GRHL2: variants seen among roughly 807,000 people sequenced by gnomAD.
GRHL2 encodes grainyhead like transcription factor 2.
In GRHL2, 21 loss-of-function variants were observed where a neutral mutation model predicts 83.8. The observed-to-expected ratio is 0.25, with a 90% CI of 0.18 to 0.36. The LOEUF (loss-of-function observed/expected upper bound fraction) is 0.36, where lower values mean the gene tolerates loss of function less well. GRHL2 is among the 10% of genes least tolerant of loss of function. GRHL2 has a pLI of 1.00. For synonymous variants in GRHL2, 280 were observed against 278.9 expected, an observed-to-expected ratio of 1.00 and a Z score of -0.04; for missense variants, 623 against 781.8, an observed-to-expected ratio of 0.80 and a Z score of 2.42.
chr8:101,597,063 GT>G (rs1396965660), intron 7 of GRHL2, among the ~76,000 whole-genome samples: 1 of 152,206 alleles, frequency 6.6e-6, no homozygotes, highest in African/African-American at 2.4e-5. Context: ...ATGCTGCCTT[GT>G]GCTCATCAGA....
chr8:101,555,258 A>G (rs1476598259), intron 3 of GRHL2, among the ~76,000 whole-genome samples: 1 of 152,168 alleles, frequency 6.6e-6, no homozygotes, highest in Non-Finnish European at 1.5e-5. Flanking sequence ...ATGTAGACCA[A>G]TTTATGTACT....
the GRHL2 span, among the ~76,000 whole-genome samples, chr8:101,679,585 A>G: frequency 6.6e-6 from 1 of 150,808 alleles, no homozygotes; most frequent in Admixed American, 6.6e-5. Flanking sequence ...CGTCACAAAG[A>G]TACTCCTCGA....
intron 13 of GRHL2, among the ~76,000 whole-genome samples, chr8:101,648,028 G>C (rs531567954): frequency 2.0e-4 from 30 of 152,264 alleles, no homozygotes; most frequent in African/African-American, 6.0e-4. Context: ...ATTTTCCCTA[G>C]ATGGCCATGG....
At chr8:101,676,076 C>T in the GRHL2 span, among the ~76,000 whole-genome samples, 6 of 151,840 alleles carry the variant, frequency 4.0e-5, no homozygotes, top group Admixed American at 1.3e-4. Flanking sequence ...GGATTAAAGA[C>T]TTAAACGTTA....
intron 8 of GRHL2, among the ~76,000 whole-genome samples, chr8:101,614,966 C>T (rs754458616): frequency 7.9e-5 from 12 of 152,138 alleles, no homozygotes; most frequent in Non-Finnish European, 1.5e-5. Flanking sequence ...AATTCCTTCC[C>T]TTATAGGTTC....
Position 101,509,172 on chromosome 8 carries a change from T to TTC in GRHL2, c.20+16384_20+16385insCT, listed in dbSNP as rs1554581582. Among the ~76,000 whole-genome samples, 539 of 86,370 alleles carry TTC rather than the reference T, an allele frequency of 6.2e-3. 29 individuals carry two copies. Among genetic ancestry groups the TTC allele is most frequent in the African/African-American group, 0.01 (304 of 29,300 alleles). 56.7% of individuals were successfully genotyped at this position (86,370 alleles called of 152,430 possible). A position where few individuals can be genotyped will look rare whatever the true frequency, so the allele number is the denominator to read the frequency against. On this transcript the variant is annotated intron_variant, in intron 1 of 15. Transcript: ENST00000646743. ...TTCCTTCCTTCCTTTCTTTCTTTCT[T>TTC]TTTCTTTCTTTCTTTTCTCTCTTTC...
chr8:101,527,230 C>T (rs1213659270), intron 1 of GRHL2, among the ~76,000 whole-genome samples: 1 of 152,168 alleles, frequency 6.6e-6, no homozygotes, highest in Non-Finnish European at 1.5e-5. Context: ...CTATCTTTAT[C>T]CTAGTAATTG....
intron 2 of GRHL2, chr8:101,544,083 G>A (rs1220608133): frequency 6.5e-6 from 1 of 153,840 alleles, no homozygotes; most frequent in Non-Finnish European, 1.4e-5. Context: ...CACAACACAT[G>A]GGAATTATGG....
chr8:101,532,835 T>G (rs375913650), intron 1 of GRHL2, among the ~76,000 whole-genome samples: 89 of 149,496 alleles, frequency 6.0e-4, no homozygotes, highest in Non-Finnish European at 1.1e-3. Context: ...GAGAGAGAGA[T>G]AGAGAGAGAA....
intron 1 of GRHL2, among the ~76,000 whole-genome samples, chr8:101,519,627 T>C (rs566614196): frequency 3.3e-5 from 5 of 149,940 alleles, no homozygotes; most frequent in African/African-American, 1.2e-4. Context: ...TTTATTTAAA[T>C]CATCTCAAGT....
intron 14 of GRHL2, among the ~76,000 whole-genome samples, chr8:101,655,293 T>G (rs1813762845): frequency 6.6e-6 from 1 of 152,228 alleles, no homozygotes; most frequent in African/African-American, 2.4e-5. Context: ...GGAACTTGAC[T>G]GACTTGGTTC....
At chr8:101,630,030 T>C (rs75710438) in intron 9 of GRHL2, among the ~76,000 whole-genome samples, 3,736 of 152,232 alleles carry the variant, frequency 0.025, 146 homozygotes, top group African/African-American at 0.084. Flanking sequence ...ATTATTCCAT[T>C]TGGTAGTTTT....
At chr8:101,533,456 G>A (rs775406729) in intron 1 of GRHL2, among the ~76,000 whole-genome samples, 86 of 152,096 alleles carry the variant, frequency 5.7e-4, no homozygotes, top group Non-Finnish European at 9.4e-4. Context: ...TATGTCGCAG[G>A]CACTGTTCAA....
At chr8:101,631,373 A>G (rs1165346173) in intron 9 of GRHL2, among the ~76,000 whole-genome samples, 1 of 152,194 alleles carries the variant, frequency 6.6e-6, no homozygotes, top group Non-Finnish European at 1.5e-5. Context: ...TCAAAACTGA[A>G]TTTCTTTAAA....
chr8:101,501,116 G>A (rs1385000997), intron 1 of GRHL2, among the ~76,000 whole-genome samples: 1 of 152,222 alleles, frequency 6.6e-6, no homozygotes, highest in Admixed American at 6.5e-5. Flanking sequence ...AGATTTCAAT[G>A]TATATTTTGA....
chr8:101,655,815 G>A (rs1017382403), intron 14 of GRHL2, among the ~76,000 whole-genome samples: 6 of 152,226 alleles, frequency 3.9e-5, no homozygotes, highest in African/African-American at 9.6e-5. Context: ...TGGTGGTGAT[G>A]GTGGTAGTGA....
chr8:101,570,598 C>T (rs1811801990), intron 5 of GRHL2, among the ~76,000 whole-genome samples: 2 of 152,162 alleles, frequency 1.3e-5, no homozygotes, highest in African/African-American at 2.4e-5. Flanking sequence ...ACCTACACCC[C>T]TTTTCTTCCT....
intron 8 of GRHL2, among the ~76,000 whole-genome samples, chr8:101,616,287 C>T (rs565344052): frequency 1.3e-4 from 20 of 152,042 alleles, no homozygotes; most frequent in Non-Finnish European, 2.1e-4. Flanking sequence ...TCTCCTGCTT[C>T]AGCCTCCTGA....
At position 101,558,752 on chromosome 8, in the gene GRHL2, C is replaced by T. The variant is rs773025507; in HGVS notation, c.618C>T (p.Asp206=). 18 of 1,614,002 alleles carry T rather than the reference C, an allele frequency of 1.1e-5. No individual in the cohort carries two copies. Among genetic ancestry groups the T allele is most frequent in the Non-Finnish European group, 1.5e-5 (18 of 1,180,024 alleles). The change falls in exon 4 of 16, where the codon GAC becomes GAT. Residue 206 remains aspartate, a synonymous_variant. Coordinates refer to ENST00000646743, the MANE Select transcript of GRHL2 (RefSeq NM_024915.4). Reference sequence around the variant, plus strand: ...CCACCCACAGCGCCTATCTCAAAGACGACCAGCGCAGCACTCCGGACAGCA... The same window carrying T: ...CCACCCACAGCGCCTATCTCAAAGATGACCAGCGCAGCACTCCGGACAGCA... ...SLATHSAYLK[D]DQRSTPDSTY...
Sources: allele counts gnomAD v4.1 joint callset (sites outside exome capture counted in the v4.1 genomes callset), GRCh38; gene constraint gnomAD v4.1.1; transcripts MANE v1.5; gene names NCBI Gene and HGNC (gene_info 2026-07-23, HGNC 2026-07-21).